SSC4D: variants seen among roughly 807,000 people sequenced by gnomAD.
The protein encoded by SSC4D is scavenger receptor cysteine-rich domain-containing group B protein.
A neutral mutation model predicts 63.4 loss-of-function variants in SSC4D; 57 were observed. The observed-to-expected ratio is 0.90, with a 90% CI of 0.73 to 1.12. The LOEUF (loss-of-function observed/expected upper bound fraction) is 1.12, where lower values mean the gene tolerates loss of function less well. Ranked by LOEUF, SSC4D falls within the 50% of genes most tolerant of loss-of-function variation. The pLI is 0.00. For synonymous variants in SSC4D, 352 were observed against 345.4 expected, an observed-to-expected ratio of 1.02 and a Z score of -0.21; for missense variants, 791 against 806.4, an observed-to-expected ratio of 0.98 and a Z score of 0.23.
rs528811056 is a variant in SSC4D at position 76,390,114 on chromosome 7, T to C, written c.1673A>G (p.Asp558Gly). ...ALLLCSHIRWDAHNCDHSEDA... is the reference protein window; with the variant it reads ...ALLLCSHIRWGAHNCDHSEDA... ...CTCGCTGTGGTCACAGTTGTGGGCA[T>C]CCCAGCGGATATGAGAGCAGAGCAG... Residue 558 changes from aspartate (D) to glycine (G), a missense_variant, in exon 11 of 11, where the codon GAT becomes GGT. Transcript: ENST00000275560. 1 of 1,614,146 alleles carries C rather than the reference T, an allele frequency of 6.2e-7. No individual in the cohort carries two copies. Among genetic ancestry groups the C allele is most frequent in the African/African-American group, 1.3e-5 (1 of 75,038 alleles).
intron 4 of SSC4D, 68 bp downstream of exon 4, chr7:76,400,218 T>C (rs1804770434): frequency 7.2e-7 from 1 of 1,386,858 alleles, no homozygotes; most frequent in Non-Finnish European, 9.4e-7. Context: ...TCCCTTCATT[T>C]ATCTAGCCTA....
Position 76,391,980 on chromosome 7 carries a change from A to T in SSC4D, c.1395T>A (p.Thr465=). ...QDGSETTRVP[T]PRPRDGHLRL... is the part of the protein sequence containing the mutation. ...GGCACCTACCGTCCCTGGGCCGAGG[A>T]GTGGGCACCCGCGTGGTCTCAGAAC... The change falls in exon 10 of 11, where the codon ACT becomes ACA. Residue 465 remains threonine (T), a synonymous_variant. Coordinates refer to ENST00000275560, the MANE Select transcript of SSC4D (RefSeq NM_080744.2). The T allele has an allele frequency of 1.3e-6, 2 of 1,595,526 alleles. No homozygotes were observed. Among genetic ancestry groups the T allele is most frequent in the Non-Finnish European group, 1.7e-6 (2 of 1,170,894 alleles).
In SSC4D at chr7:76,393,730, A is replaced by G; in HGVS notation, c.1022-14T>C. On this transcript the variant is annotated splice_polypyrimidine_tract_variant and intron_variant, in intron 8 of 10. Transcript: ENST00000275560. ...GCAGCCGTCCACCTGCGGGGCGCAC[A>G]GGCCCGCGGCCAGAGGGGCTGGGCT... 7.1e-7 allele frequency: 1 copy of G among 1,401,676 alleles called. No individual in the cohort carries two copies. The highest frequency in any genetic ancestry group is 9.2e-7 in the Non-Finnish European group (1 of 1,083,072). 86.8% of individuals were successfully genotyped at this position (1,401,676 alleles called of 1,614,324 possible). A position where few individuals can be genotyped will look rare whatever the true frequency, so the allele number is the denominator to read the frequency against.
chr7:76,397,853 C>G, intron 5 of SSC4D, 21 bp from the exon 6 acceptor site: 1 of 1,510,698 alleles, frequency 6.6e-7, no homozygotes, highest in South Asian at 1.3e-5. Context: ...GGGCGGGGGT[C>G]AGGGCGCATC....
chr7:76,400,183 A>G, intron 4 of SSC4D, 103 bp downstream of exon 4: 2 of 1,283,086 alleles, frequency 1.6e-6, no homozygotes, highest in Non-Finnish European at 2.0e-6. Flanking sequence ...CCTGATCTGC[A>G]TGGAACAGCC....
In SSC4D at chr7:76,393,720, CGGGGCGCACAGGCCCGCGG is replaced by C. The variant is rs749352714; in HGVS notation, c.1022-23_1022-5del. On this transcript the variant is annotated splice_region_variant and splice_polypyrimidine_tract_variant and intron_variant, in intron 8 of 10. Transcript: ENST00000275560. The stretch of plus-strand genomic sequence containing the variant: ...CCCACCAGTCGCAGCCGTCCACCTG[CGGGGCGCACAGGCCCGCGG>C]CCAGAGGGGCTGGGCTGGGGCTGCC... 2 of 1,390,152 alleles carry C rather than the reference CGGGGCGCACAGGCCCGCGG, an allele frequency of 1.4e-6. No homozygotes were observed. Among genetic ancestry groups the C allele is most frequent in the Non-Finnish European group, 1.9e-6 (2 of 1,078,514 alleles). 86.1% of individuals were successfully genotyped at this position (1,390,152 alleles called of 1,614,324 possible).
At chr7:76,406,566 CT>C (rs1295960873) in intron 1 of SSC4D, among the ~76,000 whole-genome samples, 14 of 151,982 alleles carry the variant, frequency 9.2e-5, no homozygotes, top group Admixed American at 7.9e-4. Context: ...TCACTGCAAC[CT>C]CCCTATCCTG....
At chr7:76,408,980 C>T (rs988379583) in intron 1 of SSC4D, among the ~76,000 whole-genome samples, 38 of 152,308 alleles carry the variant, frequency 2.5e-4, no homozygotes, top group Admixed American at 3.9e-4. Context: ...AAATGGCTTT[C>T]GTGATCCACT....
chr7:76,400,700 G>T (rs1353376907), intron 3 of SSC4D, 109 bp from the exon 4 acceptor site: 27 of 1,230,542 alleles, frequency 2.2e-5, no homozygotes, highest in Admixed American at 1.5e-4. Context: ...TAGAGACGGG[G>T]TCTCACTATG....
At chr7:76,396,335 G>T (rs1333267339) in intron 6 of SSC4D, among the ~76,000 whole-genome samples, 1 of 152,186 alleles carries the variant, frequency 6.6e-6, no homozygotes, top group Non-Finnish European at 1.5e-5. Flanking sequence ...CCTTTCCATG[G>T]CAACGCAGAC....
intron 1 of SSC4D, among the ~76,000 whole-genome samples, chr7:76,404,940 T>C (rs1421922607): frequency 6.6e-6 from 1 of 151,052 alleles, no homozygotes; most frequent in Non-Finnish European, 1.5e-5. Context: ...TGTGGTGGAG[T>C]GCACCTGTAA....
chr7:76,393,293 G>C (rs1245239462), intron 9 of SSC4D, 112 bp downstream of exon 9: 1 of 1,140,812 alleles, frequency 8.8e-7, no homozygotes, highest in African/African-American at 1.6e-5. Flanking sequence ...GAGTGCGCAT[G>C]CTCCCCGGGC....
chr7:76,398,659 G>A (rs762441569), intron 5 of SSC4D, 61 bp downstream of exon 5: 54 of 1,528,528 alleles, frequency 3.5e-5, no homozygotes, highest in South Asian at 7.9e-5. Context: ...CACTGCCTAG[G>A]GTAGGGTGTG....
Position 76,400,374 on chromosome 7 carries a change from C to A in SSC4D, c.387G>T (p.Gly129=). The A allele has an allele frequency of 6.3e-7, 1 of 1,589,822 alleles. No homozygotes were observed. Among genetic ancestry groups the A allele is most frequent in the Admixed American group, 1.8e-5 (1 of 56,910 alleles). Residue 129 remains glycine (G), a synonymous_variant, in exon 4 of 11, where the codon GGG becomes GGT. Coordinates refer to ENST00000275560, the MANE Select transcript of SSC4D (RefSeq NM_080744.2). ...PILLDNVECR[G]QEAALSECGS... is the part of the protein sequence containing the mutation. ...CGCACTCGCTCAGCGCAGCTTCCTG[C>A]CCGCGGCACTCCACGTTGTCCAGCA...
intron 1 of SSC4D, among the ~76,000 whole-genome samples, chr7:76,408,533 G>A (rs1408675410): frequency 6.6e-6 from 1 of 152,122 alleles, no homozygotes; most frequent in Non-Finnish European, 1.5e-5. Context: ...CCCCCACCCT[G>A]GGGACAGGCA....
At chr7:76,405,271 TTATATATATATATATATA>T (rs1171830870) in intron 1 of SSC4D, among the ~76,000 whole-genome samples, 264 of 9,134 alleles carry the variant, frequency 0.029, 16 homozygotes, top group African/African-American at 0.057. Context: ...ACCCAGCTAA[TTATATATATATATATATA>T]TATATATATA....
intron 2 of SSC4D, among the ~76,000 whole-genome samples, chr7:76,402,406 C>G (rs980497021): frequency 6.6e-6 from 1 of 151,894 alleles, no homozygotes; most frequent in African/African-American, 2.4e-5. Context: ...AGTCTTGAAC[C>G]CTTAACCTCA....
chr7:76,394,964 A>G (rs1804603301), intron 7 of SSC4D, among the ~76,000 whole-genome samples: 1 of 149,398 alleles, frequency 6.7e-6, no homozygotes, highest in African/African-American at 2.5e-5. Flanking sequence ...CTGTTTCCCA[A>G]AGTGCTGGGA....
intron 1 of SSC4D, among the ~76,000 whole-genome samples, chr7:76,406,987 G>A (rs1584035825): frequency 6.6e-6 from 1 of 151,974 alleles, no homozygotes; most frequent in Non-Finnish European, 1.5e-5. Context: ...TGGAGACAGA[G>A]CCTCCCTCTG....
Sources: gnomAD v4.1 joint callset for allele counts (sites outside exome capture counted in the v4.1 genomes callset) on GRCh38, gnomAD v4.1.1 for gene constraint, MANE v1.5 for transcripts, NCBI Gene and HGNC (gene_info 2026-07-23, HGNC 2026-07-21) for gene names.